RAB3C: variants seen among roughly 807,000 people sequenced by gnomAD.
The protein encoded by RAB3C is ras-related protein Rab-3C.
In RAB3C, 17 loss-of-function variants were observed where a neutral mutation model predicts 26.4. The ratio of observed to expected loss-of-function variants is 0.64; its 90% CI spans 0.44 to 0.97. The LOEUF is 0.97. Ranked by LOEUF, RAB3C falls within the 50% of genes least tolerant of loss-of-function variation. The pLI is 0.00. For missense variants in RAB3C, 242 were observed against 281.9 expected (o/e 0.86, Z 1.01); for synonymous variants, 91 against 95.9 (o/e 0.95, Z 0.30).
chr5:58,752,537 T>A (rs1329849016), intron 3 of RAB3C, among the ~76,000 whole-genome samples: 1 of 152,172 alleles, frequency 6.6e-6, no homozygotes, highest in African/African-American at 2.4e-5. Context: ...AAGTTCATCT[T>A]GAACTCTTTA....
intron 2 of RAB3C, among the ~76,000 whole-genome samples, chr5:58,645,262 T>A (rs1561277093): frequency 1.3e-5 from 2 of 152,210 alleles, no homozygotes; most frequent in Non-Finnish European, 2.9e-5. Flanking sequence ...AGCACCACAG[T>A]ATATAAATTG....
intron 4 of RAB3C, among the ~76,000 whole-genome samples, chr5:58,846,240 T>C (rs1743997960): frequency 6.6e-6 from 1 of 152,220 alleles, no homozygotes; most frequent in Admixed American, 6.5e-5. Flanking sequence ...AATGCTGCTC[T>C]GAACATGGGT....
chr5:58,805,261 C>A (rs1380546862), intron 3 of RAB3C, among the ~76,000 whole-genome samples: 1 of 151,822 alleles, frequency 6.6e-6, no homozygotes, highest in African/African-American at 2.4e-5. Flanking sequence ...AAATAATATT[C>A]TTTAGAATTA....
intron 3 of RAB3C, among the ~76,000 whole-genome samples, chr5:58,797,393 A>ATT (rs1431404331): frequency 7.2e-6 from 1 of 139,278 alleles, no homozygotes; most frequent in African/African-American, 2.7e-5. Context: ...ATATATATAT[A>ATT]TATACACAGA....
At position 58,854,021 on chromosome 5, in the gene RAB3C, T is replaced by C. The variant is rs1357949828; in HGVS notation, c.*2670T>C. On this transcript the variant is annotated 3_prime_UTR_variant, in exon 5 of 5. Coordinates refer to ENST00000282878, the MANE Select transcript of RAB3C (RefSeq NM_138453.4). Reference sequence around the variant, plus strand: ...TTATAACACTATAGTTCCAAGGTTTTTCAGCCTTTTGGCCAACACACACAC... The same window carrying C: ...TTATAACACTATAGTTCCAAGGTTTCTCAGCCTTTTGGCCAACACACACAC... 52 of 141,194 alleles carry C rather than the reference T, an allele frequency of 3.7e-4. No homozygotes were observed. The highest frequency in any genetic ancestry group is 3.2e-3 in the Admixed American group (44 of 13,908). 8.7% of individuals were successfully genotyped at this position (141,194 alleles called of 1,614,324 possible). A position where few individuals can be genotyped will look rare whatever the true frequency, so the allele number is the denominator to read the frequency against.
intron 1 of RAB3C, among the ~76,000 whole-genome samples, chr5:58,598,909 G>T (rs1344206404): frequency 6.6e-6 from 1 of 152,106 alleles, no homozygotes; most frequent in Non-Finnish European, 1.5e-5. Flanking sequence ...GCATTGGTGG[G>T]AATTCAAGAA....
At chr5:58,775,732 G>C (rs954849037) in intron 3 of RAB3C, among the ~76,000 whole-genome samples, 19 of 152,042 alleles carry the variant, frequency 1.2e-4, no homozygotes, top group African/African-American at 4.6e-4. Context: ...AATAGAACCT[G>C]TCTGTGAGTC....
At chr5:58,651,968 C>A (rs544475846) in intron 2 of RAB3C, among the ~76,000 whole-genome samples, 1 of 152,032 alleles carries the variant, frequency 6.6e-6, no homozygotes, top group East Asian at 1.9e-4. Flanking sequence ...TATTTGTATT[C>A]TATTTTATTG....
chr5:58,619,864 C>CTTT (rs36112075), intron 2 of RAB3C, among the ~76,000 whole-genome samples: 1 of 147,734 alleles, frequency 6.8e-6, no homozygotes, highest in African/African-American at 2.5e-5. Flanking sequence ...ATTCACTCAC[C>CTTT]TTTTTTTTTT....
chr5:58,583,532 G>C (rs979008653), intron 1 of RAB3C, among the ~76,000 whole-genome samples: 1 of 152,166 alleles, frequency 6.6e-6, no homozygotes, highest in East Asian at 1.9e-4. Flanking sequence ...ATGCAATCTC[G>C]TGTTGGCATT....
intron 3 of RAB3C, chr5:58,742,094 C>T (rs770151949): frequency 7.2e-5 from 11 of 152,122 alleles, no homozygotes; most frequent in Non-Finnish European, 1.6e-4. Context: ...TCTCCAGATA[C>T]CCCGTAAAGC....
intron 4 of RAB3C, among the ~76,000 whole-genome samples, chr5:58,828,721 T>C (rs2112064249): frequency 6.6e-6 from 1 of 152,292 alleles, no homozygotes; most frequent in South Asian, 2.1e-4. Context: ...TCAGACCTGC[T>C]GCATCAGAGT....
chr5:58,702,588 T>TTCTG (rs749875435), intron 2 of RAB3C, among the ~76,000 whole-genome samples: 1 of 151,634 alleles, frequency 6.6e-6, no homozygotes, highest in African/African-American at 2.4e-5. Flanking sequence ...CTCTTTCTTT[T>TTCTG]TCTTTCTCTC....
At chr5:58,619,463 G>A (rs1254172525) in intron 2 of RAB3C, among the ~76,000 whole-genome samples, 1 of 152,114 alleles carries the variant, frequency 6.6e-6, no homozygotes, top group Admixed American at 6.6e-5. Context: ...TTTAAGGAAG[G>A]TTCCTTAATT....
intron 2 of RAB3C, among the ~76,000 whole-genome samples, chr5:58,703,150 CCTGATGAAT>C: frequency 6.6e-6 from 1 of 152,140 alleles, no homozygotes; most frequent in East Asian, 1.9e-4. Context: ...TTTGGACTCT[CCTGATGAAT>C]AAGATCTTGT....
chr5:58,841,374 T>C (rs1453334261), intron 4 of RAB3C, among the ~76,000 whole-genome samples: 1 of 152,186 alleles, frequency 6.6e-6, no homozygotes, highest in African/African-American at 2.4e-5. Context: ...GCCCAGGCTC[T>C]GCACAGCTGG....
chr5:58,711,392 C>A (rs1749059750), intron 2 of RAB3C, among the ~76,000 whole-genome samples: 1 of 152,168 alleles, frequency 6.6e-6, no homozygotes, highest in Non-Finnish European at 1.5e-5. Flanking sequence ...TCATTTATGG[C>A]TTGCAGTTCA....
At chr5:58,805,040 A>T (rs1322837023) in intron 3 of RAB3C, among the ~76,000 whole-genome samples, 1 of 151,812 alleles carries the variant, frequency 6.6e-6, no homozygotes, top group Non-Finnish European at 1.5e-5. Flanking sequence ...ATTTATTCAG[A>T]TATGTAAATT....
rs1323672869 is a variant in RAB3C, at chr5:58,851,752, G to T, written c.*401G>T. On this transcript the variant is annotated 3_prime_UTR_variant, in exon 5 of 5. Transcript: ENST00000282878. ...CAAGGAATTGCTTGTGTGTGTGTGT[G>T]TGTGTGTGTGTGTGCACGCATGCCC... is the stretch of plus-strand genomic sequence containing the variant. The T allele has an allele frequency of 1.3e-5, 2 of 157,890 alleles. No homozygotes were observed. The highest frequency in any genetic ancestry group is 4.8e-5 in the African/African-American group (2 of 41,492). 9.8% of individuals were successfully genotyped at this position (157,890 alleles called of 1,614,324 possible).
Sources: gnomAD v4.1 joint callset for allele counts (sites outside exome capture counted in the v4.1 genomes callset) on GRCh38, gnomAD v4.1.1 for gene constraint, MANE v1.5 for transcripts, NCBI Gene and HGNC (gene_info 2026-07-23, HGNC 2026-07-21) for gene names.